The following ICE2 variants were observed in gnomAD, a reference collection of about 807,000 sequenced individuals.
ICE2 encodes the protein little elongation complex subunit 2.
In ICE2, 87 loss-of-function variants were observed where a neutral mutation model predicts 105.4. The ratio of observed to expected loss-of-function variants is 0.83; its 90% CI spans 0.69 to 0.99. The LOEUF is 0.99. Among genes scored for constraint, ICE2 ranks in the 50% least tolerant of loss-of-function variants. The probability of loss-of-function intolerance (pLI) is 0.00; values close to 1 mark genes in which losing one functional copy is unlikely to be tolerated. For synonymous variants in ICE2, 399 were observed against 392.0 expected (o/e 1.02, Z -0.21); for missense variants, 1,323 against 1,146.7 (o/e 1.15, Z -2.22).
intron 11 of ICE2, chr15:60,445,513 T>C: frequency 1.1e-6 from 1 of 915,104 alleles, no homozygotes; most frequent in Non-Finnish European, 1.3e-6. Flanking sequence ...AAGCATTCAC[T>C]GAAAATTTTA....
intron 5 of ICE2, among the ~76,000 whole-genome samples, chr15:60,460,333 T>C (rs2064239947): frequency 6.6e-6 from 1 of 152,104 alleles, no homozygotes; most frequent in Admixed American, 6.5e-5. Context: ...CCATCTCCAC[T>C]AAAAATACAA....
intron 2 of ICE2, 84 bp from the exon 3 acceptor site, chr15:60,476,251 A>C: frequency 1.3e-6 from 1 of 779,556 alleles, no homozygotes; most frequent in Non-Finnish European, 2.1e-6. Context: ...ATTGTAACTT[A>C]CAATTTCATA....
intron 11 of ICE2, among the ~76,000 whole-genome samples, chr15:60,443,260 A>G (rs1163202417): frequency 6.6e-6 from 1 of 152,128 alleles, no homozygotes; most frequent in Non-Finnish European, 1.5e-5. Flanking sequence ...TTCAAAGAAA[A>G]CTCTACTCTT....
At chr15:60,474,395 T>C (rs1275745581) in intron 3 of ICE2, among the ~76,000 whole-genome samples, 2 of 152,184 alleles carry the variant, frequency 1.3e-5, no homozygotes, top group African/African-American at 4.8e-5. Context: ...GGCTGCTCAC[T>C]GTTTCTAACA....
intron 15 of ICE2, among the ~76,000 whole-genome samples, chr15:60,425,829 T>G (rs2063328558): frequency 6.6e-6 from 1 of 152,166 alleles, no homozygotes. Flanking sequence ...CTTAGATTGG[T>G]TGGGACTAGA....
chr15:60,478,146 T>C, intron 1 of ICE2, 77 bp from the exon 2 acceptor site: 2 of 638,338 alleles, frequency 3.1e-6, no homozygotes, highest in East Asian at 5.4e-5. Flanking sequence ...GAAGAATCTC[T>C]CCCTAAACAT....
At chr15:60,468,842 C>A (rs1229436825) in intron 3 of ICE2, among the ~76,000 whole-genome samples, 1 of 152,130 alleles carries the variant, frequency 6.6e-6, no homozygotes, top group Non-Finnish European at 1.5e-5. Flanking sequence ...ACATTATGCA[C>A]CATATTTTTT....
chr15:60,433,113 C>G (rs1487625136), intron 13 of ICE2, among the ~76,000 whole-genome samples: 4 of 150,054 alleles, frequency 2.7e-5, no homozygotes, highest in Admixed American at 2.7e-4. Context: ...GAGACAGAGT[C>G]TCGCTCTGTC....
chr15:60,456,584 TACACAC>T lies in ICE2; in HGVS notation c.666+67_666+72del, dbSNP rs368911245. ...ATAAATAAATATATATATATATATA[TACACAC>T]ACACACACACACACACACACTATTT... On this transcript the variant is annotated intron_variant, in intron 6 of 15. Transcript: ENST00000261520. 846 of 197,278 alleles carry T rather than the reference TACACAC, an allele frequency of 4.3e-3. 2 individuals carry two copies. Among genetic ancestry groups the T allele is most frequent in the Middle Eastern group, 7.1e-3 (4 of 562 alleles). 12.2% of individuals were successfully genotyped at this position (197,278 alleles called of 1,614,324 possible). A position where few individuals can be genotyped will look rare whatever the true frequency, so the allele number is the denominator to read the frequency against.
intron 5 of ICE2, among the ~76,000 whole-genome samples, chr15:60,457,113 T>C (rs1327649875): frequency 6.6e-6 from 1 of 152,142 alleles, no homozygotes; most frequent in Non-Finnish European, 1.5e-5. Flanking sequence ...AAAGCAGTTA[T>C]ATGAATAATT....
intron 8 of ICE2, chr15:60,454,678 A>C (rs749640341): frequency 7.8e-5 from 15 of 191,194 alleles, no homozygotes; most frequent in Non-Finnish European, 1.6e-4. Flanking sequence ...AAATGGTTCC[A>C]ACCTCTTTTT....
At chr15:60,434,428 T>C (rs1047916192) in intron 13 of ICE2, among the ~76,000 whole-genome samples, 3 of 152,058 alleles carry the variant, frequency 2.0e-5, no homozygotes, top group African/African-American at 7.2e-5. Context: ...CTGGTGCCAC[T>C]GGCATTATAT....
intron 5 of ICE2, 99 bp from the exon 6 acceptor site, chr15:60,456,893 A>G (rs991297266): frequency 3.3e-5 from 19 of 569,062 alleles, no homozygotes; most frequent in Non-Finnish European, 4.9e-5. Context: ...TCATTGCAAA[A>G]ATTAGCCCGA....
intron 3 of ICE2, among the ~76,000 whole-genome samples, chr15:60,474,835 A>G (rs946670648): frequency 3.3e-5 from 5 of 152,196 alleles, no homozygotes; most frequent in Non-Finnish European, 7.4e-5. Context: ...AATACTGATT[A>G]AGTTGGCCAG....
At chr15:60,461,724 C>A (rs2141118327) in intron 5 of ICE2, among the ~76,000 whole-genome samples, 1 of 152,224 alleles carries the variant, frequency 6.6e-6, no homozygotes, top group Non-Finnish European at 1.5e-5. Context: ...AAATCTATTT[C>A]CTAGTTCTAT....
At chr15:60,434,477 T>C (rs1016520108) in intron 13 of ICE2, among the ~76,000 whole-genome samples, 3 of 150,818 alleles carry the variant, frequency 2.0e-5, no homozygotes, top group African/African-American at 7.4e-5. Flanking sequence ...GGATCACAAA[T>C]TGGGTCTGTG....
rs2063241337 is a variant in ICE2, at chr15:60,421,390, C to A, written c.*2244G>T. On this transcript the variant is annotated 3_prime_UTR_variant, in exon 16 of 16. Transcript: ENST00000261520. ...AAACATATTGTCAGTTACTTCTTGG[C>A]TTATAAATTCTCAGTACTAAAAATC... is the stretch of plus-strand genomic sequence containing the variant. The A allele has an allele frequency of 6.6e-6, 1 of 151,954 alleles. No homozygotes were observed. Among genetic ancestry groups the A allele is most frequent in the Admixed American group, 6.6e-5 (1 of 15,256 alleles). The allele number at this position is 151,954 out of a possible 1,614,324, so 9.4% of individuals were successfully genotyped here. A position where few individuals can be genotyped will look rare whatever the true frequency, so the allele number is the denominator to read the frequency against.
At chr15:60,426,129 T>A (rs1317326160) in intron 15 of ICE2, among the ~76,000 whole-genome samples, 1 of 152,224 alleles carries the variant, frequency 6.6e-6, no homozygotes, top group African/African-American at 2.4e-5. Context: ...GTGGCCAAAT[T>A]GTGAACATAT....
In ICE2 at chr15:60,449,420, A is replaced by G. The variant is rs750385741; in HGVS notation, c.1547T>C (p.Leu516Ser). Residue 516 changes from leucine to serine, a missense_variant, in exon 10 of 16, where the codon TTA (leucine) becomes TCA (serine). Transcript: ENST00000261520. ...SDLKTSDALQ[L>S]ENSQEIETSN... The stretch of plus-strand genomic sequence containing the variant: ...AGTTTCAATTTCCTGAGAATTTTCT[A>G]ACTGTAAGGCATCAGATGTTTTCAA... 2 of 1,613,868 alleles carry G rather than the reference A, an allele frequency of 1.2e-6. No homozygotes were observed. The highest frequency in any genetic ancestry group is 1.7e-6 in the Non-Finnish European group (2 of 1,179,916).
Sources: allele counts gnomAD v4.1 joint callset (sites outside exome capture counted in the v4.1 genomes callset), GRCh38; gene constraint gnomAD v4.1.1; transcripts MANE v1.5; gene names NCBI Gene and HGNC (gene_info 2026-07-23, HGNC 2026-07-21).